SDCCAG8: variants seen among roughly 807,000 people sequenced by gnomAD.
SDCCAG8 encodes serologically defined colon cancer antigen 8.
Under a neutral mutation model 101.8 loss-of-function variants are expected in SDCCAG8, and 74 were observed. The observed-to-expected ratio is 0.73, with a 90% CI of 0.60 to 0.88. The LOEUF (loss-of-function observed/expected upper bound fraction) is 0.88. SDCCAG8 is among the 40% of genes least tolerant of loss of function. The pLI is 0.00. For synonymous variants in SDCCAG8, 281 were observed against 292.9 expected, an observed-to-expected ratio of 0.96 and a Z score of 0.41; for missense variants, 787 against 822.6, an observed-to-expected ratio of 0.96 and a Z score of 0.53.
intron 1 of SDCCAG8, 105 bp downstream of exon 1, chr1:243,256,345 G>A: frequency 1.1e-6 from 1 of 871,794 alleles, no homozygotes; most frequent in South Asian, 1.3e-5. Context: ...CCCCGTCCAC[G>A]CTACAGAGGA....
chr1:243,498,851 C>T (rs967404840), intron 17 of SDCCAG8, among the ~76,000 whole-genome samples: 4 of 152,286 alleles, frequency 2.6e-5, no homozygotes, highest in African/African-American at 4.8e-5. Context: ...GAAAGAGGGA[C>T]CAGATTGGGC....
chr1:243,260,497 A>G (rs2067119910), intron 1 of SDCCAG8, among the ~76,000 whole-genome samples: 1 of 152,210 alleles, frequency 6.6e-6, no homozygotes, highest in Admixed American at 6.5e-5. Context: ...GGGTGAAAAA[A>G]GCCACAATTA....
chr1:243,365,089 A>C (rs2076925537), intron 12 of SDCCAG8, among the ~76,000 whole-genome samples: 1 of 152,172 alleles, frequency 6.6e-6, no homozygotes, highest in African/African-American at 2.4e-5. Context: ...ATTATTCCAC[A>C]TTTGAAGGGA....
intron 11 of SDCCAG8, among the ~76,000 whole-genome samples, 183 bp downstream of exon 11, chr1:243,341,356 A>AGC (rs1323760710): frequency 1.3e-5 from 2 of 152,374 alleles, no homozygotes; most frequent in East Asian, 3.9e-4. Context: ...TACTACATGC[A>AGC]GCCCCTCAGT....
intron 12 of SDCCAG8, among the ~76,000 whole-genome samples, chr1:243,373,453 T>C (rs2077420106): frequency 6.6e-6 from 1 of 152,122 alleles, no homozygotes; most frequent in African/African-American, 2.4e-5. Flanking sequence ...TATTTATGAG[T>C]CTGCAGGTCA....
intron 5 of SDCCAG8, among the ~76,000 whole-genome samples, chr1:243,291,623 C>G (rs745560624): frequency 2.6e-5 from 4 of 152,168 alleles, no homozygotes; most frequent in Non-Finnish European, 5.9e-5. Context: ...GGCAGAAGAT[C>G]GTAATAATAA....
chr1:243,462,019 A>G (rs995089930), intron 16 of SDCCAG8, among the ~76,000 whole-genome samples: 8 of 152,214 alleles, frequency 5.3e-5, no homozygotes, highest in Non-Finnish European at 1.0e-4. Context: ...GTGAAACACA[A>G]CATCTTTGGA....
intron 13 of SDCCAG8, among the ~76,000 whole-genome samples, chr1:243,399,761 C>T (rs1394043327): frequency 6.6e-6 from 1 of 152,140 alleles, no homozygotes; most frequent in Non-Finnish European, 1.5e-5. Flanking sequence ...TCACCTGCCT[C>T]GGCCTCCCAA....
chr1:243,424,924 C>A (rs1451838128), intron 15 of SDCCAG8, among the ~76,000 whole-genome samples: 1 of 150,944 alleles, frequency 6.6e-6, no homozygotes, highest in Non-Finnish European at 1.5e-5. Context: ...GATTTTTTTT[C>A]TTCTTTTGAA....
At chr1:243,349,702 T>C (rs1195173793) in intron 12 of SDCCAG8, among the ~76,000 whole-genome samples, 3 of 152,232 alleles carry the variant, frequency 2.0e-5, no homozygotes, top group African/African-American at 7.2e-5. Flanking sequence ...TTCTTATTAG[T>C]GGCACATGAC....
At chr1:243,315,452 A>G (rs756150710) in intron 8 of SDCCAG8, among the ~76,000 whole-genome samples, 1 of 152,338 alleles carries the variant, frequency 6.6e-6, no homozygotes, top group African/African-American at 2.4e-5. Context: ...ATTTAAAACA[A>G]ATCAGGAAAT....
intron 4 of SDCCAG8, among the ~76,000 whole-genome samples, chr1:243,283,861 C>T (rs2069317203): frequency 6.6e-6 from 1 of 152,182 alleles, no homozygotes; most frequent in South Asian, 2.1e-4. Context: ...CTGCCTCAGC[C>T]TCCCGAGTGG....
chr1:243,349,665 G>A (rs2075971454), intron 12 of SDCCAG8, among the ~76,000 whole-genome samples: 1 of 152,114 alleles, frequency 6.6e-6, no homozygotes, highest in Non-Finnish European at 1.5e-5. Flanking sequence ...ATTACTCAGC[G>A]AGTGTATCAC....
intron 12 of SDCCAG8, among the ~76,000 whole-genome samples, chr1:243,349,815 A>T (rs530758082): frequency 1.2e-4 from 18 of 151,860 alleles, no homozygotes; most frequent in Admixed American, 9.2e-4. Flanking sequence ...AAGAAGGCTG[A>T]TATAGAAAGC....
chr1:243,482,651 C>T (rs1486051798), intron 16 of SDCCAG8, among the ~76,000 whole-genome samples: 1 of 152,174 alleles, frequency 6.6e-6, no homozygotes, highest in Non-Finnish European at 1.5e-5. Flanking sequence ...AGTGTCCTTC[C>T]TCATGGACCC....
chr1:243,438,246 A>C (rs2082279855), intron 16 of SDCCAG8, among the ~76,000 whole-genome samples: 1 of 152,152 alleles, frequency 6.6e-6, no homozygotes, highest in African/African-American at 2.4e-5. Flanking sequence ...TGGGGCTCCC[A>C]TGGATTCCAG....
intron 16 of SDCCAG8, among the ~76,000 whole-genome samples, chr1:243,434,434 T>C (rs2082004420): frequency 6.6e-6 from 1 of 152,320 alleles, no homozygotes; most frequent in South Asian, 2.1e-4. Flanking sequence ...AAAATTATAC[T>C]CTTATGAAGA....
intron 6 of SDCCAG8, among the ~76,000 whole-genome samples, chr1:243,293,995 C>T (rs867977547): frequency 2.6e-5 from 4 of 152,070 alleles, no homozygotes; most frequent in African/African-American, 9.7e-5. Context: ...CTGTTTGGTT[C>T]CTTTTTATAA....
rs1558186513 is a variant in SDCCAG8, at chr1:243,256,225, CA to C, written c.54del (p.Gln18HisfsTer15). 1.2e-6 allele frequency: 2 copies of C among 1,614,180 alleles called. No individual in the cohort carries two copies. Among genetic ancestry groups the C allele is most frequent in the Non-Finnish European group, 1.7e-6 (2 of 1,179,984 alleles). ...STLEEILGQY[Q>X]RSLREHASRS... ...CCTGGAGGAGATTCTGGGGCAGTAT[CA>C]ACGGAGTCTCCGGGGTGAGTTGCTC... On this transcript the variant is annotated frameshift_variant, in exon 1 of 18. Coordinates refer to ENST00000366541, the MANE Select transcript of SDCCAG8 (RefSeq NM_006642.5). LOFTEE classifies it high-confidence loss of function.
Sources: allele counts gnomAD v4.1 joint callset (sites outside exome capture counted in the v4.1 genomes callset), GRCh38; gene constraint gnomAD v4.1.1; transcripts MANE v1.5; gene names NCBI Gene and HGNC (gene_info 2026-07-23, HGNC 2026-07-21).